Variants in WWOX observed in about 807,000 individuals in gnomAD.
The protein encoded by WWOX is WW domain containing oxidoreductase.
A neutral mutation model predicts 46.2 loss-of-function variants in WWOX; 69 were observed. The ratio of observed to expected loss-of-function variants is 1.49; its 90% CI spans 1.23 to 1.82. WWOX has a LOEUF of 1.82. WWOX is among the 40% of genes most tolerant of loss of function. WWOX has a pLI of 0.00. For missense variants in WWOX, 919 were observed against 542.6 expected (o/e 1.69, Z -6.89); for synonymous variants, 359 against 202.6 (o/e 1.77, Z -6.56).
intron 8 of WWOX, among the ~76,000 whole-genome samples, chr16:79,122,491 C>T (rs1280631582): frequency 6.6e-6 from 1 of 151,882 alleles, no homozygotes; most frequent in Non-Finnish European, 1.5e-5. Flanking sequence ...CTTGCTATTT[C>T]CTTTCTTTCT....
chr16:78,109,902 G>C, intron 3 of WWOX, 67 bp downstream of exon 3: 1 of 1,492,324 alleles, frequency 6.7e-7, no homozygotes, highest in South Asian at 1.1e-5. Flanking sequence ...AATTATAAAA[G>C]TAATACATAG....
chr16:78,741,450 C>T (rs2049225938), intron 8 of WWOX, among the ~76,000 whole-genome samples: 1 of 152,146 alleles, frequency 6.6e-6, no homozygotes, highest in South Asian at 2.1e-4. Flanking sequence ...ATTACAGTTA[C>T]TCGGGAGGCT....
At chr16:78,521,336 A>G (rs1682424790) in intron 8 of WWOX, among the ~76,000 whole-genome samples, 1 of 152,094 alleles carries the variant, frequency 6.6e-6, no homozygotes, top group Non-Finnish European at 1.5e-5. Context: ...GAAATAAGGT[A>G]TGAGCCACCA....
At chr16:78,674,348 G>C (rs531364319) in intron 8 of WWOX, among the ~76,000 whole-genome samples, 76 of 150,572 alleles carry the variant, frequency 5.0e-4, no homozygotes, top group Admixed American at 1.3e-3. Flanking sequence ...GCAGTGGTGC[G>C]ATCTTGGCTC....
At chr16:79,183,530 A>G (rs761313720) in intron 8 of WWOX, among the ~76,000 whole-genome samples, 4 of 152,224 alleles carry the variant, frequency 2.6e-5, no homozygotes, top group Non-Finnish European at 5.9e-5. Flanking sequence ...TTGGCATCCA[A>G]CCATAATCAT....
chr16:79,212,160 A>C lies in WWOX; in HGVS notation c.*364A>C. On this transcript the variant is annotated 3_prime_UTR_variant, in exon 9 of 9. Transcript: ENST00000566780. ...GGTCCCCTCGTCCCATCCAGCTACC[A>C]CCACGGCCACCACTGCAGCCGGGGG... 1 of 1,494,010 alleles carries C rather than the reference A, an allele frequency of 6.7e-7. No individual in the cohort carries two copies. The highest frequency in any genetic ancestry group is 8.9e-7 in the Non-Finnish European group (1 of 1,127,630). The allele number at this position is 1,494,010 out of a possible 1,614,324, so 92.5% of individuals were successfully genotyped here. A position where few individuals can be genotyped will look rare whatever the true frequency, so the allele number is the denominator to read the frequency against.
chr16:79,049,742 A>C (rs1401783028), intron 8 of WWOX, among the ~76,000 whole-genome samples: 1 of 151,542 alleles, frequency 6.6e-6, no homozygotes, highest in Non-Finnish European at 1.5e-5. Flanking sequence ...AGGCTGAGGC[A>C]GAGAATTGCT....
intron 5 of WWOX, among the ~76,000 whole-genome samples, chr16:78,249,508 C>T (rs1284962844): frequency 2.6e-5 from 4 of 152,148 alleles, no homozygotes; most frequent in Admixed American, 2.0e-4. Flanking sequence ...ATTTTTAGTA[C>T]GTGGCTCTGA....
At chr16:79,029,114 G>T (rs1016103770) in intron 8 of WWOX, among the ~76,000 whole-genome samples, 1 of 152,152 alleles carries the variant, frequency 6.6e-6, no homozygotes, top group Admixed American at 6.5e-5. Context: ...AGGTATCTCA[G>T]GATAGCAACA....
intron 6 of WWOX, among the ~76,000 whole-genome samples, chr16:78,407,643 C>T (rs1379861202): frequency 6.6e-6 from 1 of 152,150 alleles, no homozygotes; most frequent in African/African-American, 2.4e-5. Context: ...ATGGGTTTGT[C>T]TTGTCTCCAC....
chr16:78,641,387 G>A (rs1209983051), intron 8 of WWOX, among the ~76,000 whole-genome samples: 3 of 152,080 alleles, frequency 2.0e-5, no homozygotes, highest in Non-Finnish European at 4.4e-5. Context: ...TGCACTTGTA[G>A]TGTCAGGGTT....
chr16:78,669,777 A>G (rs2047417295), intron 8 of WWOX, among the ~76,000 whole-genome samples: 1 of 152,156 alleles, frequency 6.6e-6, no homozygotes, highest in Admixed American at 6.5e-5. Flanking sequence ...TGCATCCCAC[A>G]TGGCACCCCT....
chr16:78,305,061 C>T (rs1078591), intron 5 of WWOX, among the ~76,000 whole-genome samples: 9,720 of 152,102 alleles, frequency 0.064, 532 homozygotes, highest in African/African-American at 0.14. Context: ...CAGGCACTCA[C>T]CCCACCCTAC....
intron 5 of WWOX, among the ~76,000 whole-genome samples, chr16:78,170,391 G>C (rs2035116136): frequency 6.6e-6 from 1 of 152,126 alleles, no homozygotes; most frequent in African/African-American, 2.4e-5. Context: ...TTAACCCATT[G>C]TGGAATAAAT....
chr16:78,586,080 G>T (rs1458807824), intron 8 of WWOX, among the ~76,000 whole-genome samples: 2 of 152,090 alleles, frequency 1.3e-5, no homozygotes, highest in African/African-American at 4.8e-5. Flanking sequence ...AATTAGGCCA[G>T]GTGTGATGGC....
intron 8 of WWOX, among the ~76,000 whole-genome samples, chr16:78,688,308 G>T (rs1386737507): frequency 2.7e-5 from 4 of 149,688 alleles, no homozygotes; most frequent in African/African-American, 7.4e-5. Context: ...TCAGAAATAG[G>T]AAAATTTTCT....
intron 8 of WWOX, among the ~76,000 whole-genome samples, chr16:78,987,895 G>A (rs1479962748): frequency 6.6e-6 from 1 of 152,106 alleles, no homozygotes; most frequent in South Asian, 2.1e-4. Flanking sequence ...TGATTCCGGT[G>A]AAACCACAGG....
In WWOX at chr16:79,069,364, A is replaced by G. The variant is rs2048505634; in HGVS notation, c.1057-142244A>G. ...CAGCAAAAGAGCCCAGTGATTGGGAACAAATTCAAAACAGCTTTATTTCAT... is the reference window on the plus strand; with the variant it reads ...CAGCAAAAGAGCCCAGTGATTGGGAGCAAATTCAAAACAGCTTTATTTCAT... On this transcript the variant is annotated intron_variant, in intron 8 of 8. Transcript: ENST00000566780. Among the ~76,000 whole-genome samples the G allele has an allele frequency of 2.6e-5, 4 of 152,210 alleles. No homozygotes were observed. The South Asian group carries it at 8.3e-4, about 32-fold the overall frequency.
At chr16:78,669,857 G>T (rs892280957) in intron 8 of WWOX, among the ~76,000 whole-genome samples, 4 of 152,042 alleles carry the variant, frequency 2.6e-5, no homozygotes, top group African/African-American at 7.2e-5. Flanking sequence ...TTAGGGAGAA[G>T]GAAAAATAAA....
Sources: allele counts gnomAD v4.1 joint callset (sites outside exome capture counted in the v4.1 genomes callset), GRCh38; gene constraint gnomAD v4.1.1; transcripts MANE v1.5; gene names NCBI Gene and HGNC (gene_info 2026-07-23, HGNC 2026-07-21).